Variants in ANKRD28 observed in about 807,000 individuals in gnomAD.
The protein encoded by ANKRD28 is serine/threonine-protein phosphatase 6 regulatory ankyrin repeat subunit A.
In ANKRD28, 44 loss-of-function variants were observed where a neutral mutation model predicts 126.5. The observed-to-expected ratio is 0.35, with a 90% CI of 0.27 to 0.45. The LOEUF (loss-of-function observed/expected upper bound fraction) is 0.45. Ranked by LOEUF, ANKRD28 falls within the 20% of genes least tolerant of loss-of-function variation. ANKRD28 has a pLI of 1.00. For synonymous variants in ANKRD28, 442 were observed against 468.5 expected (o/e 0.94, Z 0.73); for missense variants, 1,110 against 1,316.6 (o/e 0.84, Z 2.43).
Position 15,742,851 on chromosome 3 carries a change from A to G in ANKRD28, c.352-5618T>C, listed in dbSNP as rs199539346. Among the ~76,000 whole-genome samples the G allele has an allele frequency of 1.1e-3, 153 of 144,012 alleles. 2 individuals carry two copies. The highest frequency in any genetic ancestry group is 3.6e-3 in the Middle Eastern group (1 of 276). 94.5% of individuals were successfully genotyped at this position (144,012 alleles called of 152,430 possible). On this transcript the variant is annotated intron_variant, in intron 4 of 27. Coordinates refer to ENST00000683139, the MANE Select transcript of ANKRD28 (RefSeq NM_001349278.2). ...TGGGAAGTGAGGAGCCCCTCTGCCC[A>G]GCCACCACCCCGTCTGGGAGGTGTA...
chr3:15,842,791 T>C, intron 1 of ANKRD28, among the ~76,000 whole-genome samples: 1 of 152,192 alleles, frequency 6.6e-6, no homozygotes, highest in East Asian at 1.9e-4. Flanking sequence ...ATATTACATA[T>C]ATTAATATTT....
chr3:15,838,153 G>A lies in ANKRD28; in HGVS notation c.27+21224C>T, dbSNP rs2061360290. On this transcript the variant is annotated intron_variant, in intron 1 of 27. Transcript: ENST00000399451. The surrounding 1 kb of genome is among the most constrained non-coding windows in gnomAD (Gnocchi z 4.0). ...AATCTTCCCACAAAGAAAAGCCTTG[G>A]CCCACATAGTTTCTTTCACTGGTGA... Among the ~76,000 whole-genome samples, 1 of 151,974 alleles carries A rather than the reference G, an allele frequency of 6.6e-6. No individual in the cohort carries two copies. The highest frequency in any genetic ancestry group is 2.4e-5 in the African/African-American group (1 of 41,396).
At chr3:15,699,311 C>T (rs983524651) in intron 14 of ANKRD28, among the ~76,000 whole-genome samples, 12 of 152,112 alleles carry the variant, frequency 7.9e-5, no homozygotes, top group African/African-American at 2.9e-4. Flanking sequence ...CTAGGGCATA[C>T]CATTCAGGGC....
intron 1 of ANKRD28, among the ~76,000 whole-genome samples, chr3:15,848,208 A>T (rs1276873210): frequency 6.6e-6 from 1 of 152,214 alleles, no homozygotes; most frequent in Non-Finnish European, 1.5e-5. Context: ...CAAAACCAGA[A>T]CCACAAATTT....
At chr3:15,786,625 T>C (rs2059792702) in intron 2 of ANKRD28, among the ~76,000 whole-genome samples, 1 of 152,228 alleles carries the variant, frequency 6.6e-6, no homozygotes, top group South Asian at 2.1e-4. Flanking sequence ...TATACATCGA[T>C]TGTATCTCAA....
chr3:15,672,389 G>A (rs955801472), intron 27 of ANKRD28, among the ~76,000 whole-genome samples: 7 of 152,008 alleles, frequency 4.6e-5, no homozygotes, highest in Admixed American at 6.5e-5. Flanking sequence ...TGATCTTCCC[G>A]CCTCTGCCTC....
At chr3:15,740,252 G>A (rs557795962) in intron 4 of ANKRD28, among the ~76,000 whole-genome samples, 1 of 152,300 alleles carries the variant, frequency 6.6e-6, no homozygotes, top group Admixed American at 6.5e-5. Context: ...GGACATGAGG[G>A]AACTTGCTGG....
upstream of ANKRD28, among the ~76,000 whole-genome samples, chr3:15,800,092 G>A (rs2125849328): frequency 6.6e-6 from 1 of 152,150 alleles, no homozygotes; most frequent in East Asian, 1.9e-4. Flanking sequence ...AAAACTAAGG[G>A]CTCAGGAGTC....
chr3:15,701,998 CCTTA>C (rs1575245418), intron 14 of ANKRD28, among the ~76,000 whole-genome samples: 3 of 152,144 alleles, frequency 2.0e-5, no homozygotes, highest in African/African-American at 7.2e-5. Flanking sequence ...AATGGGTCTT[CCTTA>C]CTGAGACCTG....
In ANKRD28 at chr3:15,797,605, G is replaced by A. The variant is rs115451324; in HGVS notation, c.-1084C>T. On this transcript the variant is annotated 5_prime_UTR_variant, in exon 1 of 28. Transcript: ENST00000683139. ...AAACATAGTAGTGTATCATTCCAGTGTTTCCTTTGATCTCCACATGAATAC... is the reference window on the plus strand; with the variant it reads ...AAACATAGTAGTGTATCATTCCAGTATTTCCTTTGATCTCCACATGAATAC... 1.5e-4 allele frequency: 150 copies of A among 984,772 alleles called. No individual in the cohort carries two copies. The African/African-American group carries it at 2.6e-3, about 17-fold the overall frequency. The allele number at this position is 984,772 out of a possible 1,614,324, so 61.0% of individuals were successfully genotyped here. A position where few individuals can be genotyped will look rare whatever the true frequency, so the allele number is the denominator to read the frequency against.
Position 15,668,357 on chromosome 3 carries a change from T to C in ANKRD28, c.*1913A>G, listed in dbSNP as rs1022332609. 2.4e-4 allele frequency: 35 copies of C among 145,856 alleles called. No individual in the cohort carries two copies. Among genetic ancestry groups the C allele is most frequent in the African/African-American group, 9.1e-4 (34 of 37,378 alleles). The allele number at this position is 145,856 out of a possible 1,614,324, so 9.0% of individuals were successfully genotyped here. A position where few individuals can be genotyped will look rare whatever the true frequency, so the allele number is the denominator to read the frequency against. The stretch of plus-strand genomic sequence containing the variant: ...TGTATACTTTTAGAATCTGCTTGAT[T>C]TTTTTTTTTTTCAAAAGGTACAATA... On this transcript the variant is annotated 3_prime_UTR_variant, in exon 28 of 28. Transcript: ENST00000683139.
Position 15,686,124 on chromosome 3 carries a change from G to T in ANKRD28, c.2052-5C>A. On this transcript the variant is annotated splice_polypyrimidine_tract_variant and splice_region_variant and intron_variant, in intron 19 of 27. Transcript: ENST00000683139. ...ACAGATAGCATCAGAGGCGTCCTGA[G>T]CAACAACAGGAATAGGTTCAGTGCT... 1 of 1,611,238 alleles carries T rather than the reference G, an allele frequency of 6.2e-7. No individual in the cohort carries two copies. The highest frequency in any genetic ancestry group is 8.5e-7 in the Non-Finnish European group (1 of 1,178,432).
At chr3:15,748,897 T>C (rs926502136) in intron 4 of ANKRD28, among the ~76,000 whole-genome samples, 1 of 152,008 alleles carries the variant, frequency 6.6e-6, no homozygotes, top group Non-Finnish European at 1.5e-5. Context: ...AAAAAAAAAT[T>C]TTTTTTCTTT....
At chr3:15,800,580 C>G (rs1482820359), upstream of ANKRD28, among the ~76,000 whole-genome samples, 1 of 152,096 alleles carries the variant, frequency 6.6e-6, no homozygotes, top group Non-Finnish European at 1.5e-5. Context: ...AGATCCCATT[C>G]AGTTGCCAAG....
intron 1 of ANKRD28, among the ~76,000 whole-genome samples, chr3:15,842,884 A>C (rs1211416115): frequency 1.3e-5 from 2 of 152,250 alleles, no homozygotes; most frequent in African/African-American, 4.8e-5. Flanking sequence ...ACTGCTTTAC[A>C]CTGAAGAAAA....
intron 1 of ANKRD28, among the ~76,000 whole-genome samples, chr3:15,856,735 G>C (rs1227022035): frequency 6.6e-6 from 1 of 152,186 alleles, no homozygotes; most frequent in Non-Finnish European, 1.5e-5. Context: ...AGAACAAATT[G>C]CTTTACTTAC....
chr3:15,768,369 T>C (rs1019619880), intron 2 of ANKRD28, among the ~76,000 whole-genome samples: 6 of 152,090 alleles, frequency 3.9e-5, no homozygotes, highest in Admixed American at 3.9e-4. Context: ...TTAGCTGTAG[T>C]ATGTGATGTT....
In ANKRD28 at chr3:15,853,202, T is replaced by G. The variant is rs2061688724; in HGVS notation, c.27+6175A>C. On this transcript the variant is annotated intron_variant, in intron 1 of 27. Transcript: ENST00000399451. The surrounding 1 kb of genome is among the most constrained non-coding windows in gnomAD (Gnocchi z 4.2). ...TTGGCTTTAAATTTAAGGTATTACT[T>G]TGTTACTGATTTGATATGATGTGAA... Among the ~76,000 whole-genome samples, 1 of 152,216 alleles carries G rather than the reference T, an allele frequency of 6.6e-6. No homozygotes were observed. Among genetic ancestry groups the G allele is most frequent in the South Asian group, 2.1e-4 (1 of 4,830 alleles).
chr3:15,675,518 T>C (rs1160571672), intron 27 of ANKRD28, among the ~76,000 whole-genome samples: 2 of 152,140 alleles, frequency 1.3e-5, no homozygotes, highest in Non-Finnish European at 2.9e-5. Flanking sequence ...ACTGACATTA[T>C]GAAGTAGGCA....
Sources: allele counts gnomAD v4.1 joint callset (sites outside exome capture counted in the v4.1 genomes callset), GRCh38; gene constraint gnomAD v4.1.1; non-coding constraint Gnocchi (gnomAD v3.1); transcripts MANE v1.5; gene names NCBI Gene and HGNC (gene_info 2026-07-23, HGNC 2026-07-21).